Variants in TSC2 observed in about 807,000 individuals in gnomAD.
TSC2 encodes the protein tuberin.
Under a neutral mutation model 202.2 loss-of-function variants are expected in TSC2, and 29 were observed. The observed-to-expected ratio is 0.14, with a 90% confidence interval of 0.11 to 0.20. The LOEUF is 0.20. Among genes scored for constraint, TSC2 ranks in the 10% least tolerant of loss-of-function variants. The pLI, the probability that TSC2 is intolerant of heterozygous loss-of-function variation, is 1.00. For synonymous variants in TSC2, 1,349 were observed against 1,044.0 expected, an observed-to-expected ratio of 1.29 and a Z score of -5.63; for missense variants, 2,429 against 2,420.0, an observed-to-expected ratio of 1.00 and a Z score of -0.08.
At chr16:2,051,060 T>A (rs185519054) in intron 3 of TSC2, among the ~76,000 whole-genome samples, 1 of 152,046 alleles carries the variant, frequency 6.6e-6, no homozygotes, top group Non-Finnish European at 1.5e-5. Context: ...GTGCGGGGGC[T>A]TATGCCTGTA....
intron 14 of TSC2, chr16:2,063,904 G>T (rs1041577482): frequency 5.1e-6 from 2 of 391,462 alleles, no homozygotes; most frequent in African/African-American, 4.1e-5. Context: ...ACATGCCCAC[G>T]CGTGCACACA....
rs558474135 is a variant in TSC2 at position 2,064,026 on chromosome 16, G to A, written c.1444-246G>A. ...CTGCTCCTTGTGAGTTGTGGGCCCC[G>A]TGTCTGTGCCCGGCCGCCCTGCGGT... is the stretch of plus-strand genomic sequence containing the variant. On this transcript the variant is annotated intron_variant, in intron 14 of 41. Transcript: ENST00000219476. 58 of 585,320 alleles carry A rather than the reference G, an allele frequency of 9.9e-5. 1 individual carries two copies. The highest frequency in any genetic ancestry group is 8.4e-4 in the African/African-American group (45 of 53,850). The allele number at this position is 585,320 out of a possible 1,614,324, so 36.3% of individuals were successfully genotyped here. A position where few individuals can be genotyped will look rare whatever the true frequency, so the allele number is the denominator to read the frequency against.
chr16:2,088,623 C>G lies in TSC2; in HGVS notation c.*13C>G, dbSNP rs746489853. 2 of 1,598,396 alleles carry G rather than the reference C, an allele frequency of 1.3e-6. No homozygotes were observed. Among genetic ancestry groups the G allele is most frequent in the South Asian group, 1.1e-5 (1 of 90,658 alleles). ...CGAGTTTGTGTGAGGCCGGGGCCCT[C>G]CCTCCTGCACTGGCCTTGGACGGTA... is the stretch of plus-strand genomic sequence containing the variant. On this transcript the variant is annotated 3_prime_UTR_variant, in exon 42 of 42. Coordinates refer to ENST00000219476, the MANE Select transcript of TSC2 (RefSeq NM_000548.5).
In TSC2 at chr16:2,089,265, A is replaced by C. The variant is rs1156532485; in HGVS notation, c.*655A>C. ...TGACATACAAAAATATACACATTTT[A>C]ACACCATATAAATTACTGACACGAG... On this transcript the variant is annotated 3_prime_UTR_variant, in exon 42 of 42. Coordinates refer to ENST00000219476, the MANE Select transcript of TSC2 (RefSeq NM_000548.5). 1 of 193,072 alleles carries C rather than the reference A, an allele frequency of 5.2e-6. No individual in the cohort carries two copies. The highest frequency in any genetic ancestry group is 1.1e-5 in the Non-Finnish European group (1 of 94,076). 12.0% of individuals were successfully genotyped at this position (193,072 alleles called of 1,614,324 possible). A position where few individuals can be genotyped will look rare whatever the true frequency, so the allele number is the denominator to read the frequency against.
chr16:2,081,097 T>C, intron 30 of TSC2: 1 of 240,006 alleles, frequency 4.2e-6, no homozygotes, highest in Non-Finnish European at 8.3e-6. Context: ...CTAGCCGTAA[T>C]TAGCTTTCTG....
intron 3 of TSC2, 67 bp from the exon 4 acceptor site, chr16:2,053,275 C>G: frequency 6.7e-7 from 1 of 1,487,350 alleles, no homozygotes; most frequent in South Asian, 1.2e-5. Context: ...CACGGCACTG[C>G]TCCAGTTGCC....
intron 25 of TSC2, 107 bp downstream of exon 25, chr16:2,076,692 T>G (rs2089436373): frequency 1.7e-6 from 2 of 1,160,872 alleles, no homozygotes; most frequent in East Asian, 5.0e-5. Context: ...ATGGGTCCTG[T>G]GTGCCCTGGA....
rs2090146019 is a variant in TSC2, at chr16:2,081,577, G to T, written c.3611-18G>T. On this transcript the variant is annotated intron_variant, in intron 30 of 41. Coordinates refer to ENST00000219476, the MANE Select transcript of TSC2 (RefSeq NM_000548.5). The stretch of plus-strand genomic sequence containing the variant: ...GGGAGGTACTGGCCTCAGGCCAAAG[G>T]TGCTGCCGCCTCCGCAGGGAACACC... The T allele has an allele frequency of 9.3e-6, 15 of 1,612,860 alleles. No individual in the cohort carries two copies. Among genetic ancestry groups the T allele is most frequent in the Middle Eastern group, 3.3e-4 (2 of 6,062 alleles).
chr16:2,070,948 T>TG (rs1345290346), intron 17 of TSC2, among the ~76,000 whole-genome samples: 22 of 151,476 alleles, frequency 1.5e-4, no homozygotes, highest in African/African-American at 4.6e-4. Flanking sequence ...AGGGCAGAGC[T>TG]GAGACGGCAG....
At chr16:2,070,668 C>G in intron 17 of TSC2, 90 bp downstream of exon 17, 2 of 1,590,138 alleles carry the variant, frequency 1.3e-6, no homozygotes, top group South Asian at 1.1e-5. Flanking sequence ...GCTGCAGAGA[C>G]GGCCCCAGGA....
At chr16:2,074,829 C>T in intron 22 of TSC2, 1 of 291,154 alleles carries the variant, frequency 3.4e-6, no homozygotes, top group East Asian at 8.2e-5. Flanking sequence ...TGGGCCCGCA[C>T]TTGGTGTAGA....
chr16:2,084,495 G>A lies in TSC2; in HGVS notation c.4273G>A (p.Gly1425Arg), dbSNP rs763497329. 46 of 1,609,036 alleles carry A rather than the reference G, an allele frequency of 2.9e-5. No individual in the cohort carries two copies. The highest frequency in any genetic ancestry group is 9.9e-5 in the South Asian group (9 of 90,586). The part of the protein sequence containing the change: ...KARSQSGTLD[G>R]ESAAWSASGE... ...CCGGTCACAGTCAGGGACCCTGGAC[G>A]GGGAAAGTGCTGCCTGGTCGGCCTC... The change falls in exon 34 of 42, where the codon GGG (glycine) becomes AGG (arginine). Residue 1425 changes from glycine to arginine, a missense_variant. Gly to Arg is a moderately radical substitution (Grantham distance 125). Coordinates refer to ENST00000219476, the MANE Select transcript of TSC2 (RefSeq NM_000548.5).
In TSC2 at chr16:2,083,365, T is replaced by G. The variant is rs2090368233; in HGVS notation, c.3884-330T>G. Reference sequence around the variant, plus strand: ...AGGGCTGGTTTCAGGCTCCCGCTCTTTTAGAGCTGAGGCCCGTCGGGCGGA... The same window carrying G: ...AGGGCTGGTTTCAGGCTCCCGCTCTGTTAGAGCTGAGGCCCGTCGGGCGGA... On this transcript the variant is annotated intron_variant, in intron 32 of 41. Coordinates refer to ENST00000219476, the MANE Select transcript of TSC2 (RefSeq NM_000548.5). The G allele has an allele frequency of 5.0e-5, 24 of 481,316 alleles. 2 individuals are homozygous for G. The highest frequency in any genetic ancestry group is 3.5e-4 in the South Asian group (19 of 54,214). 29.8% of individuals were successfully genotyped at this position (481,316 alleles called of 1,614,324 possible).
intron 7 of TSC2, among the ~76,000 whole-genome samples, 196 bp downstream of exon 7, chr16:2,056,440 G>A (rs1253330743): frequency 1.3e-5 from 2 of 152,236 alleles, no homozygotes; most frequent in Non-Finnish European, 2.9e-5. Context: ...GCTCAGGGTG[G>A]ATGACAGCAT....
chr16:2,087,853 G>C lies in TSC2; in HGVS notation c.4990-10G>C, dbSNP rs751012275. On this transcript the variant is annotated splice_polypyrimidine_tract_variant and intron_variant, in intron 38 of 41. Transcript: ENST00000219476. The stretch of plus-strand genomic sequence containing the variant: ...GTGTGCGGGGATGACCCTTTCTCTT[G>C]TCCGGGCAGGGCCAGTTCAACTTTG... 1.2e-6 allele frequency: 2 copies of C among 1,612,320 alleles called. No homozygotes were observed. The highest frequency in any genetic ancestry group is 1.1e-5 in the South Asian group (1 of 91,026).
Position 2,071,864 on chromosome 16 carries a change from G to T in TSC2, c.2027G>T (p.Gly676Val), listed in dbSNP as rs754556513. 4.8e-5 allele frequency: 71 copies of T among 1,469,028 alleles called. No individual in the cohort carries two copies. Among genetic ancestry groups the T allele is most frequent in the Non-Finnish European group, 6.1e-5 (68 of 1,114,564 alleles). The allele number at this position is 1,469,028 out of a possible 1,614,324, so 91.0% of individuals were successfully genotyped here. The change falls in exon 19 of 42, where the codon GGC becomes GTC. Residue 676 changes from glycine to valine, a missense_variant. Gly to Val is a moderately radical substitution (Grantham distance 109). Transcript: ENST00000219476. The stretch of plus-strand genomic sequence containing the variant: ...GGGCCTCCTGGCCCGGCGCCTGCAG[G>T]CCCCGCCGTGCGGCTGGGGTCCGTG... ...PTGPPGPAPA[G>V]PAVRLGSVPY...
chr16:2,071,641 C>T (rs769207354), intron 18 of TSC2, 25 bp downstream of exon 18: 3 of 1,612,522 alleles, frequency 1.9e-6, no homozygotes, highest in South Asian at 2.2e-5. Flanking sequence ...GCCCACGGCC[C>T]ATGAGGCTCA....
At chr16:2,083,498 G>A in intron 32 of TSC2, 197 bp from the exon 33 acceptor site, 1 of 899,550 alleles carries the variant, frequency 1.1e-6, no homozygotes, top group Non-Finnish European at 1.7e-6. Context: ...TGCAGGAGAG[G>A]CCTGTGTCGG....
At chr16:2,069,168 G>A (rs1478797330) in intron 16 of TSC2, among the ~76,000 whole-genome samples, 2 of 152,220 alleles carry the variant, frequency 1.3e-5, no homozygotes, top group Admixed American at 6.5e-5. Context: ...GCCCGGCAGG[G>A]CGGCAGCTGC....
Sources: allele counts gnomAD v4.1 joint callset (sites outside exome capture counted in the v4.1 genomes callset), GRCh38; gene constraint gnomAD v4.1.1; transcripts MANE v1.5; gene names NCBI Gene and HGNC (gene_info 2026-07-23, HGNC 2026-07-21).